Variants in EIF4H observed in about 807,000 individuals in gnomAD.
EIF4H encodes the protein eukaryotic translation initiation factor 4H, also known as Williams-Beuren syndrome chromosome region 1.
In EIF4H, 8 loss-of-function variants were observed where a neutral mutation model predicts 30.6. The observed-to-expected ratio is 0.26, with a 90% confidence interval of 0.15 to 0.47. The LOEUF (loss-of-function observed/expected upper bound fraction) is 0.47, where lower values mean the gene tolerates loss of function less well. Ranked by LOEUF, EIF4H falls within the 20% of genes least tolerant of loss-of-function variation. The probability of loss-of-function intolerance (pLI) is 0.99; values close to 1 mark genes in which losing one functional copy is unlikely to be tolerated. For missense variants in EIF4H, 188 were observed against 339.5 expected, an observed-to-expected ratio of 0.55 and a Z score of 3.51; for synonymous variants, 106 against 122.7, an observed-to-expected ratio of 0.86 and a Z score of 0.90.
chr7:74,181,751 T>TA lies in EIF4H; in HGVS notation c.60-5860_60-5859insA, dbSNP rs1399485710. On this transcript the variant is annotated intron_variant, in intron 1 of 6. Transcript: ENST00000265753. ...GAGCCACCGAGCCCGGCCTTTTTTT[T>TA]TGAGATGGAGTCTCACTCTGCCTCC... is the stretch of plus-strand genomic sequence containing the variant. Among the ~76,000 whole-genome samples the TA allele has an allele frequency of 4.6e-5, 7 of 150,816 alleles. No homozygotes were observed. In the East Asian group the frequency reaches 1.4e-3, roughly 29 times the overall value.
At chr7:74,188,939 A>G (rs1554709520) in intron 2 of EIF4H, among the ~76,000 whole-genome samples, 1 of 152,214 alleles carries the variant, frequency 6.6e-6, no homozygotes, top group African/African-American at 2.4e-5. Flanking sequence ...GTTTGGACTC[A>G]GGCCTTTAGA....
chr7:74,187,489 T>G (rs1584181901), intron 1 of EIF4H, 122 bp from the exon 2 acceptor site: 1 of 997,514 alleles, frequency 1.0e-6, no homozygotes, highest in East Asian at 2.8e-5. Context: ...AACAGTCTTG[T>G]GGTACATCGA....
At chr7:74,190,119 A>G in intron 4 of EIF4H, 128 bp from the exon 5 acceptor site, 4 of 1,145,452 alleles carry the variant, frequency 3.5e-6, no homozygotes, top group Non-Finnish European at 5.0e-6. Context: ...GTTGGAAGCA[A>G]AAGCTCTTAA....
intron 1 of EIF4H, among the ~76,000 whole-genome samples, chr7:74,186,659 G>A (rs1222138904): frequency 6.6e-6 from 1 of 152,048 alleles, no homozygotes; most frequent in African/African-American, 2.4e-5. Context: ...GGTAATGCAC[G>A]CCATACGCAT....
At chr7:74,189,956 T>G in intron 4 of EIF4H, 38 bp downstream of exon 4, 1 of 1,606,728 alleles carries the variant, frequency 6.2e-7, no homozygotes, top group Non-Finnish European at 8.5e-7. Context: ...CATAAAGATT[T>G]GCAGTATGCC....
intron 2 of EIF4H, 117 bp downstream of exon 2, chr7:74,187,915 C>T (rs1801125068): frequency 8.0e-7 from 1 of 1,244,080 alleles, no homozygotes; most frequent in Non-Finnish European, 1.1e-6. Flanking sequence ...GTGTTTTAAA[C>T]ATTTGCCTGG....
intron 1 of EIF4H, among the ~76,000 whole-genome samples, chr7:74,175,871 T>A (rs1204019062): frequency 1.3e-5 from 2 of 152,150 alleles, no homozygotes; most frequent in Non-Finnish European, 2.9e-5. Flanking sequence ...TTTAAAAAAA[T>A]TTCCTTCAGA....
At chr7:74,183,225 T>G (rs1554708737) in intron 1 of EIF4H, among the ~76,000 whole-genome samples, 3 of 152,200 alleles carry the variant, frequency 2.0e-5, no homozygotes, top group Non-Finnish European at 2.9e-5. Flanking sequence ...TCATAATCAA[T>G]AGACTGTCCC....
At chr7:74,180,741 A>C (rs1800940952) in intron 1 of EIF4H, among the ~76,000 whole-genome samples, 1 of 152,208 alleles carries the variant, frequency 6.6e-6, no homozygotes, top group Admixed American at 6.5e-5. Flanking sequence ...TTCAGTGAGG[A>C]CCTTCGAAAG....
At chr7:74,175,336 T>C (rs1314300358) in intron 1 of EIF4H, among the ~76,000 whole-genome samples, 2 of 152,250 alleles carry the variant, frequency 1.3e-5, no homozygotes, top group Non-Finnish European at 2.9e-5. Flanking sequence ...AACATCTTGC[T>C]GTTTGTCAAG....
chr7:74,177,816 T>C (rs1363548562), intron 1 of EIF4H, among the ~76,000 whole-genome samples: 4 of 152,242 alleles, frequency 2.6e-5, no homozygotes, highest in Admixed American at 6.5e-5. Flanking sequence ...TGACGGTTCA[T>C]GTAAAAGCCC....
At chr7:74,186,857 C>G (rs1038361454) in intron 1 of EIF4H, among the ~76,000 whole-genome samples, 3 of 110,888 alleles carry the variant, frequency 2.7e-5, no homozygotes, top group Non-Finnish European at 5.0e-5. Context: ...GAGTCTCTGT[C>G]GCGTGAGCTG....
In EIF4H at chr7:74,194,750, A is replaced by T; in HGVS notation, c.479A>T (p.Asp160Val). The change falls in exon 6 of 7, where the codon GAT becomes GTT. Residue 160 changes from aspartate to valine, a missense_variant. Asp to Val is a radical substitution (Grantham distance 152). Transcript: ENST00000265753. The part of the protein sequence containing the change: ...SRDDFNSGFR[D>V]DFLGGRGGSR... ...CCTGTTTCTTCCTCAGGCTTCAGGG[A>T]TGACTTCTTAGGGGGCAGGGGAGGT... The T allele has an allele frequency of 6.3e-7, 1 of 1,586,490 alleles. No homozygotes were observed. The highest frequency in any genetic ancestry group is 8.6e-7 in the Non-Finnish European group (1 of 1,158,646).
At chr7:74,183,496 A>G (rs1224433017) in intron 1 of EIF4H, among the ~76,000 whole-genome samples, 1 of 152,232 alleles carries the variant, frequency 6.6e-6, no homozygotes, top group Non-Finnish European at 1.5e-5. Context: ...ACAAGAAAAC[A>G]TAGGTACAGA....
intron 5 of EIF4H, 74 bp from the exon 6 acceptor site, chr7:74,194,666 TC>T: frequency 6.9e-7 from 1 of 1,459,812 alleles, no homozygotes; most frequent in Non-Finnish European, 9.1e-7. Flanking sequence ...CTCAAACAAT[TC>T]CCAGAACATT....
At chr7:74,184,690 G>A (rs984178328) in intron 1 of EIF4H, among the ~76,000 whole-genome samples, 6 of 151,580 alleles carry the variant, frequency 4.0e-5, no homozygotes, top group Non-Finnish European at 8.8e-5. Flanking sequence ...GTGCTTTTTT[G>A]TTTGTTTTTT....
At chr7:74,175,164 G>C (rs188618426) in intron 1 of EIF4H, among the ~76,000 whole-genome samples, 3 of 152,330 alleles carry the variant, frequency 2.0e-5, no homozygotes, top group African/African-American at 7.2e-5. Context: ...ATTTAGCGTC[G>C]TCCTGATTGT....
intron 1 of EIF4H, among the ~76,000 whole-genome samples, chr7:74,179,407 G>A (rs1381213996): frequency 1.3e-5 from 2 of 152,100 alleles, no homozygotes; most frequent in Admixed American, 6.6e-5. Context: ...CAAGGCGGGC[G>A]GATTACCTGA....
chr7:74,175,757 T>C (rs1554707579), intron 1 of EIF4H, among the ~76,000 whole-genome samples: 2 of 151,980 alleles, frequency 1.3e-5, no homozygotes, highest in African/African-American at 4.8e-5. Flanking sequence ...CAAAAAACGT[T>C]CACAGAAGTA....
Sources: allele counts gnomAD v4.1 joint callset (sites outside exome capture counted in the v4.1 genomes callset), GRCh38; gene constraint gnomAD v4.1.1; transcripts MANE v1.5; gene names NCBI Gene and HGNC (gene_info 2026-07-23, HGNC 2026-07-21).